APBB1IP: variants seen among roughly 807,000 people sequenced by gnomAD.
The protein encoded by APBB1IP is amyloid beta precursor protein binding family B member 1 interacting protein.
Under a neutral mutation model 64.9 loss-of-function variants are expected in APBB1IP, and 27 were observed. The ratio of observed to expected loss-of-function variants is 0.42; its 90% confidence interval spans 0.31 to 0.57. The LOEUF (loss-of-function observed/expected upper bound fraction) is 0.57, where lower values mean the gene tolerates loss of function less well. Ranked by LOEUF, APBB1IP falls within the 20% of genes least tolerant of loss-of-function variation. The pLI, the probability that APBB1IP is intolerant of heterozygous loss-of-function variation, is 0.20. For missense variants in APBB1IP, 812 were observed against 845.5 expected, an observed-to-expected ratio of 0.96 and a Z score of 0.49; for synonymous variants, 392 against 331.0, an observed-to-expected ratio of 1.18 and a Z score of -2.00.
chr10:26,565,747 C>G (rs551004432), intron 14 of APBB1IP, among the ~76,000 whole-genome samples: 1 of 152,232 alleles, frequency 6.6e-6, no homozygotes, highest in South Asian at 2.1e-4. Flanking sequence ...TTCTAAAGTG[C>G]AATCTTAAAT....
chr10:26,562,410 G>C lies in APBB1IP; in HGVS notation c.1454G>C (p.Arg485Thr). Residue 485 changes from arginine to threonine, a missense_variant, in exon 14 of 15, where the codon AGA (arginine) becomes ACA (threonine). By Grantham distance (71) the Arg-to-Thr change is moderately conservative. Around this residue, in one of 3 missense-constraint regions of APBB1IP, gnomAD observed 381 missense variants for 352.1 expected, o/e 1.08. Transcript: ENST00000376236. The stretch of plus-strand genomic sequence containing the variant: ...AGTGCTGTTCTCCAAGAGGCCCAGA[G>C]ACATGCTGAAACATCGAAGGTAAAA... Reference protein sequence around the residue: ...SVSAVLQEAQRHAETSKDKKP... With the variant: ...SVSAVLQEAQTHAETSKDKKP... 6.2e-7 allele frequency: 1 copy of C among 1,613,868 alleles called. No homozygotes were observed. Among genetic ancestry groups the C allele is most frequent in the Non-Finnish European group, 8.5e-7 (1 of 1,179,850 alleles).
chr10:26,506,397 C>A (rs1416102119), intron 6 of APBB1IP, among the ~76,000 whole-genome samples: 1 of 152,060 alleles, frequency 6.6e-6, no homozygotes, highest in African/African-American at 2.4e-5. Flanking sequence ...CAGGTATGCA[C>A]CACCATGGCC....
chr10:26,496,351 A>G lies in APBB1IP; in HGVS notation c.120A>G (p.Arg40=), dbSNP rs781737065. The G allele has an allele frequency of 6.8e-6, 11 of 1,613,066 alleles. No individual in the cohort carries two copies. The Admixed American group carries it at 1.7e-4, about 24-fold the overall frequency. The change falls in exon 4 of 15, where the codon AGA becomes AGG. Residue 40 remains arginine, a synonymous_variant. Coordinates refer to ENST00000376236, the MANE Select transcript of APBB1IP (RefSeq NM_019043.4). The part of the protein sequence containing the change: ...TLPPPDPNPP[R]AEFNYSVGFK... The stretch of plus-strand genomic sequence containing the variant: ...CTCCTCCTGACCCTAATCCACCCAG[A>G]GCTGAATTTAACTACAGTGTGGGGT...
intron 2 of APBB1IP, among the ~76,000 whole-genome samples, chr10:26,490,726 G>T (rs531879974): frequency 6.6e-6 from 1 of 152,300 alleles, no homozygotes; most frequent in East Asian, 1.9e-4. Context: ...ATTGTAGGAA[G>T]ATATAAATGG....
At chr10:26,469,313 G>T (rs577129507) in intron 2 of APBB1IP, among the ~76,000 whole-genome samples, 1 of 131,072 alleles carries the variant, frequency 7.6e-6, no homozygotes, top group South Asian at 2.4e-4. Context: ...AGGCTGGAGT[G>T]CAGTGGAGCG....
chr10:26,567,113 C>T lies in APBB1IP; in HGVS notation c.1626C>T (p.Gly542=). 1.4e-6 allele frequency: 2 copies of T among 1,428,800 alleles called. No individual in the cohort carries two copies. Among genetic ancestry groups the T allele is most frequent in the Non-Finnish European group, 9.1e-7 (1 of 1,104,820 alleles). The allele number at this position is 1,428,800 out of a possible 1,614,324, so 88.5% of individuals were successfully genotyped here. A position where few individuals can be genotyped will look rare whatever the true frequency, so the allele number is the denominator to read the frequency against. The change falls in exon 15 of 15, where the codon GGC becomes GGT. Residue 542 remains glycine (G), a synonymous_variant. Coordinates refer to ENST00000376236, the MANE Select transcript of APBB1IP (RefSeq NM_019043.4). The stretch of plus-strand genomic sequence containing the variant: ...CGCCCCTCAAGGCCAAGGGCACAGG[C>T]GGCGGGGGCTTGCCCGCCCCACCCG... ...PATPLKAKGT[G]GGGLPAPPDD...
At chr10:26,478,843 C>G (rs1473819007) in intron 2 of APBB1IP, among the ~76,000 whole-genome samples, 2 of 151,950 alleles carry the variant, frequency 1.3e-5, no homozygotes, top group Non-Finnish European at 2.9e-5. Context: ...GGGCCTGAAT[C>G]TTACACAATT....
intron 2 of APBB1IP, among the ~76,000 whole-genome samples, chr10:26,458,701 A>C (rs1427449176): frequency 6.6e-6 from 1 of 152,062 alleles, no homozygotes; most frequent in Non-Finnish European, 1.5e-5. Flanking sequence ...TCAAAAAATT[A>C]AGGCCATATT....
chr10:26,477,056 C>T (rs1166965008), intron 2 of APBB1IP, among the ~76,000 whole-genome samples: 1 of 152,218 alleles, frequency 6.6e-6, no homozygotes. Context: ...CCACCTCGGC[C>T]TCCCAAAGTT....
intron 8 of APBB1IP, 43 bp downstream of exon 8, chr10:26,513,703 G>A (rs567506871): frequency 1.9e-5 from 28 of 1,504,476 alleles, no homozygotes; most frequent in South Asian, 2.5e-5. Context: ...AAGTACAAAG[G>A]ATTTTTTTTT....
intron 2 of APBB1IP, among the ~76,000 whole-genome samples, chr10:26,481,828 TGTG>T (rs1564356984): frequency 0.013 from 511 of 40,248 alleles, no homozygotes; most frequent in African/African-American, 0.024. Context: ...TCTCATTACG[TGTG>T]TGTGTGTGTG....
At chr10:26,532,729 A>G (rs1324619824) in intron 8 of APBB1IP, among the ~76,000 whole-genome samples, 1 of 152,114 alleles carries the variant, frequency 6.6e-6, no homozygotes, top group Non-Finnish European at 1.5e-5. Flanking sequence ...GGTTCAAACA[A>G]TCCTCCTGCC....
At chr10:26,564,777 G>A (rs1775227) in intron 14 of APBB1IP, among the ~76,000 whole-genome samples, 1 of 151,848 alleles carries the variant, frequency 6.6e-6, no homozygotes, top group East Asian at 1.9e-4. Flanking sequence ...CACTCCAGCC[G>A]TGGTGACAGA....
intron 4 of APBB1IP, 133 bp from the exon 5 acceptor site, chr10:26,500,677 AAATATTCTC>A (rs1836085678): frequency 1.2e-6 from 1 of 822,714 alleles, no homozygotes; most frequent in Non-Finnish European, 1.9e-6. Context: ...TATTGAATTA[AAATATTCTC>A]AATCTTCTCA....
chr10:26,479,294 CAAAAAAAAAAAA>C (rs1158421940), intron 2 of APBB1IP, among the ~76,000 whole-genome samples: 17 of 888 alleles, frequency 0.019, 7 homozygotes, highest in Admixed American at 0.073. Context: ...GACTCCGTCT[CAAAAAAAAAAAA>C]AAAAAAAAAA....
chr10:26,443,989 A>G (rs189670013), intron 2 of APBB1IP, among the ~76,000 whole-genome samples: 1 of 152,342 alleles, frequency 6.6e-6, no homozygotes. Context: ...GCTACTCAAT[A>G]AGCATAATAA....
rs1338780922 is a variant in APBB1IP, at chr10:26,438,804, G to C, written c.-50G>C. The C allele has an allele frequency of 1.3e-5, 2 of 152,632 alleles. No homozygotes were observed. Among genetic ancestry groups the C allele is most frequent in the Non-Finnish European group, 2.9e-5 (2 of 68,412 alleles). 9.5% of individuals were successfully genotyped at this position (152,632 alleles called of 1,614,324 possible). A position where few individuals can be genotyped will look rare whatever the true frequency, so the allele number is the denominator to read the frequency against. Reference sequence around the variant, plus strand: ...TGCACCGCGCGTCGCTTTCCCGGCCGGAGTCTCGCCGCCTTCCCGCGCCCC... The same window carrying C: ...TGCACCGCGCGTCGCTTTCCCGGCCCGAGTCTCGCCGCCTTCCCGCGCCCC... On this transcript the variant is annotated 5_prime_UTR_variant, in exon 2 of 15. Coordinates refer to ENST00000376236, the MANE Select transcript of APBB1IP (RefSeq NM_019043.4).
chr10:26,557,154 T>C (rs993489957), intron 11 of APBB1IP, among the ~76,000 whole-genome samples: 1 of 152,242 alleles, frequency 6.6e-6, no homozygotes, highest in Admixed American at 6.5e-5. Context: ...AGGATCATTA[T>C]TGGAGTAACA....
At chr10:26,525,064 C>A (rs1330577669) in intron 8 of APBB1IP, among the ~76,000 whole-genome samples, 1 of 147,948 alleles carries the variant, frequency 6.8e-6, no homozygotes, top group Non-Finnish European at 1.5e-5. Context: ...AGGAGGATCA[C>A]TTGAGCCCAG....
Sources: allele counts gnomAD v4.1 joint callset (sites outside exome capture counted in the v4.1 genomes callset), GRCh38; gene constraint gnomAD v4.1.1; regional missense constraint gnomAD v4.1.1; transcripts MANE v1.5; gene names NCBI Gene and HGNC (gene_info 2026-07-23, HGNC 2026-07-21).